The following DIAPH2 variants were observed in gnomAD, a reference collection of about 807,000 sequenced individuals.
The protein encoded by DIAPH2 is protein diaphanous homolog 2.
DIAPH2 carries 35 observed loss-of-function variants against 92.7 expected under a neutral mutation model. The ratio of observed to expected loss-of-function variants is 0.38; its 90% CI spans 0.29 to 0.50. The LOEUF (loss-of-function observed/expected upper bound fraction) is 0.50. DIAPH2 is among the 20% of genes least tolerant of loss of function. The pLI, the probability that DIAPH2 is intolerant of heterozygous loss-of-function variation, is 0.94. For missense variants in DIAPH2, 701 were observed against 819.5 expected, an observed-to-expected ratio of 0.86 and a Z score of 1.77; for synonymous variants, 301 against 280.4, an observed-to-expected ratio of 1.07 and a Z score of -0.73.
At chrX:97,465,461 A>C (rs1380539885) in intron 26 of DIAPH2, among the ~76,000 whole-genome samples, 2 of 111,990 alleles carry the variant, frequency 1.8e-5, no homozygotes, top group Non-Finnish European at 3.8e-5. Flanking sequence ...CAGTATAACA[A>C]CTTTTACATA....
intron 26 of DIAPH2, among the ~76,000 whole-genome samples, chrX:97,464,182 A>C (rs2070486232): frequency 9.4e-6 from 1 of 106,781 alleles, no homozygotes; most frequent in Admixed American, 1.0e-4. Flanking sequence ...AGTTGCTCTC[A>C]GGCCGGGGGT....
At chrX:97,498,712 A>G (rs2147827838) in intron 26 of DIAPH2, among the ~76,000 whole-genome samples, 1 of 111,779 alleles carries the variant, frequency 8.9e-6, no homozygotes, top group African/African-American at 3.2e-5. Flanking sequence ...TATTACATTA[A>G]TTTATTTACC....
At chrX:97,570,075 AATATATATATATATATATAT>A (rs1164491863) in intron 26 of DIAPH2, among the ~76,000 whole-genome samples, 4 of 12,089 alleles carry the variant, frequency 3.3e-4, no homozygotes, top group Admixed American at 1.6e-3. Context: ...AAGGCCTTCT[AATATATATATATATATATAT>A]ATATATATAT....
chrX:97,258,889 A>AAAAC (rs2068265471), intron 23 of DIAPH2, among the ~76,000 whole-genome samples: 1 of 102,094 alleles, frequency 9.8e-6, no homozygotes, highest in African/African-American at 3.7e-5. Flanking sequence ...AAAAAAAAAA[A>AAAAC]AACAACAACA....
At chrX:96,803,128 G>A (rs890386722) in intron 4 of DIAPH2, among the ~76,000 whole-genome samples, 3 of 110,605 alleles carry the variant, frequency 2.7e-5, no homozygotes, top group African/African-American at 9.9e-5. Context: ...AATCTCCTTT[G>A]GCAGCACCCT....
chrX:96,987,278 A>G (rs1359941230), intron 17 of DIAPH2, among the ~76,000 whole-genome samples: 1 of 112,020 alleles, frequency 8.9e-6, no homozygotes, highest in African/African-American at 3.2e-5. Flanking sequence ...TAGAAATGAG[A>G]TAACAGCATT....
intron 26 of DIAPH2, among the ~76,000 whole-genome samples, chrX:97,553,477 A>G (rs977258480): frequency 2.3e-4 from 25 of 110,618 alleles, no homozygotes; most frequent in Non-Finnish European, 3.8e-4. Context: ...TACAAACATA[A>G]TGGATGTTTT....
At chrX:97,385,003 A>T (rs2069586288) in intron 25 of DIAPH2, among the ~76,000 whole-genome samples, 1 of 111,286 alleles carries the variant, frequency 9.0e-6, no homozygotes, top group Non-Finnish European at 1.9e-5. Context: ...AAAGAAAGTG[A>T]TTGGTATCAG....
intron 4 of DIAPH2, among the ~76,000 whole-genome samples, chrX:96,841,757 C>T (rs778010590): frequency 8.0e-5 from 9 of 112,164 alleles, no homozygotes; most frequent in Non-Finnish European, 1.1e-4. Context: ...TTCTGTCATG[C>T]GTGTCCCTGT....
intron 26 of DIAPH2, among the ~76,000 whole-genome samples, chrX:97,537,948 G>A (rs972273398): frequency 1.1e-4 from 11 of 103,496 alleles, no homozygotes; most frequent in Non-Finnish European, 2.0e-4. Context: ...GCAGTGGTGC[G>A]ATCTCGGCTC....
intron 22 of DIAPH2, among the ~76,000 whole-genome samples, chrX:97,167,847 G>A (rs2067422947): frequency 9.0e-6 from 1 of 110,992 alleles, no homozygotes; most frequent in Admixed American, 9.6e-5. Flanking sequence ...GATCACTAAT[G>A]AGCCTCAAAA....
intron 26 of DIAPH2, among the ~76,000 whole-genome samples, chrX:97,524,660 G>A (rs2071012964): frequency 8.9e-6 from 1 of 111,932 alleles, no homozygotes; most frequent in Non-Finnish European, 1.9e-5. Context: ...TCTCTACAAA[G>A]TTGAAATTTA....
intron 25 of DIAPH2, among the ~76,000 whole-genome samples, chrX:97,415,820 C>T (rs2069939539): frequency 9.1e-6 from 1 of 110,058 alleles, no homozygotes; most frequent in Non-Finnish European, 1.9e-5. Flanking sequence ...GCCTGCATGT[C>T]GTGCACATGT....
chrX:96,997,861 C>T (rs138094203), intron 17 of DIAPH2, among the ~76,000 whole-genome samples: 4,431 of 111,849 alleles, frequency 0.04, 102 homozygotes, highest in Middle Eastern at 0.089. Flanking sequence ...TATTAAATGT[C>T]ACACTTTTAA....
intron 26 of DIAPH2, among the ~76,000 whole-genome samples, chrX:97,525,064 C>T (rs981243408): frequency 3.6e-5 from 4 of 112,272 alleles, no homozygotes; most frequent in Non-Finnish European, 7.5e-5. Context: ...GCTACTCACT[C>T]TAGCAGGGAA....
chrX:97,433,130 G>A (rs1318601681), intron 26 of DIAPH2, among the ~76,000 whole-genome samples: 2 of 111,165 alleles, frequency 1.8e-5, no homozygotes, highest in African/African-American at 3.3e-5. Flanking sequence ...CCCATTCAGC[G>A]GATGTGCTGT....
At chrX:97,299,813 G>A (rs2068678679) in intron 23 of DIAPH2, among the ~76,000 whole-genome samples, 1 of 111,877 alleles carries the variant, frequency 8.9e-6, no homozygotes, top group South Asian at 3.7e-4. Context: ...CTCTTTCATA[G>A]AATCTGCATA....
chrX:96,711,319 C>T (rs763533809), intron 1 of DIAPH2, among the ~76,000 whole-genome samples: 1 of 112,043 alleles, frequency 8.9e-6, no homozygotes, highest in African/African-American at 3.2e-5. Flanking sequence ...GTTCCCTTTT[C>T]ACCACATCCA....
intron 26 of DIAPH2, among the ~76,000 whole-genome samples, chrX:97,433,386 T>G (rs914855417): frequency 1.8e-5 from 2 of 110,518 alleles, no homozygotes; most frequent in African/African-American, 6.6e-5. Context: ...CATGGTGGCA[T>G]GTGCCTGTAG....
Sources: gnomAD v4.1 joint callset for allele counts (sites outside exome capture counted in the v4.1 genomes callset) on GRCh38, gnomAD v4.1.1 for gene constraint, MANE v1.5 for transcripts, NCBI Gene and HGNC (gene_info 2026-07-23, HGNC 2026-07-21) for gene names.